The following CNTN5 variants were observed in gnomAD, a reference collection of about 807,000 sequenced individuals.
CNTN5 encodes contactin-5.
Under a neutral mutation model 129.1 loss-of-function variants are expected in CNTN5, and 77 were observed. That is an observed-to-expected ratio of 0.60 (90% CI 0.50 to 0.72). The LOEUF (loss-of-function observed/expected upper bound fraction) is 0.72, where lower values mean the gene tolerates loss of function less well. Among genes scored for constraint, CNTN5 ranks in the 30% least tolerant of loss-of-function variants. CNTN5 has a pLI of 0.00. For synonymous variants in CNTN5, 509 were observed against 465.6 expected (o/e 1.09, Z -1.20); for missense variants, 1,478 against 1,328.8 (o/e 1.11, Z -1.75).
chr11:100,035,562 G>A (rs1425522358), intron 9 of CNTN5, among the ~76,000 whole-genome samples: 1 of 143,572 alleles, frequency 7.0e-6, no homozygotes, highest in Non-Finnish European at 1.5e-5. Flanking sequence ...TTCCACAATG[G>A]TTGAACTAGT....
chr11:99,562,003 T>A lies in CNTN5; in HGVS notation c.55+5734T>A, dbSNP rs1948859608. Among the ~76,000 whole-genome samples the A allele has an allele frequency of 3.9e-5, 6 of 152,176 alleles. 1 individual carries two copies. The South Asian group carries it at 8.3e-4, about 21-fold the overall frequency. The stretch of plus-strand genomic sequence containing the variant: ...ATACTAGTTATTTTGAGTTGGTTAT[T>A]TTGAAAAACTGCAGACACAGGACTG... On this transcript the variant is annotated intron_variant, in intron 3 of 24. Coordinates refer to ENST00000524871, the MANE Select transcript of CNTN5 (RefSeq NM_014361.4).
chr11:100,238,910 A>G (rs558009034), intron 16 of CNTN5, among the ~76,000 whole-genome samples: 1 of 152,314 alleles, frequency 6.6e-6, no homozygotes, highest in East Asian at 1.9e-4. Context: ...TCTAATGGTG[A>G]TAGAGTACAT....
At chr11:100,149,327 G>A (rs1946966394) in intron 13 of CNTN5, among the ~76,000 whole-genome samples, 1 of 152,068 alleles carries the variant, frequency 6.6e-6, no homozygotes, top group South Asian at 2.1e-4. Flanking sequence ...TTAAAACAAT[G>A]CAGTAAAATT....
Position 99,177,524 on chromosome 11 carries a change from G to C in CNTN5, c.-209-147822G>C, listed in dbSNP as rs1857834664. 2.0e-5 allele frequency among the ~76,000 whole-genome samples: 3 copies of C among 152,144 alleles called. No homozygotes were observed. In the South Asian group the frequency reaches 6.2e-4, roughly 32 times the overall value. ...GTTTTCATGAAAATCACTTTTATGT[G>C]TTTCTCTTCAAGTAAGGGTTTTGTT... is the stretch of plus-strand genomic sequence containing the variant. On this transcript the variant is annotated intron_variant, in intron 1 of 24. Transcript: ENST00000524871.
chr11:99,827,086 GT>G (rs1203873069), intron 4 of CNTN5, among the ~76,000 whole-genome samples: 1 of 151,954 alleles, frequency 6.6e-6, no homozygotes, highest in Admixed American at 6.6e-5. Context: ...GTTTTGTTTT[GT>G]TTTTGTTTGT....
intron 3 of CNTN5, among the ~76,000 whole-genome samples, chr11:99,735,071 G>C (rs535266824): frequency 6.6e-6 from 1 of 152,182 alleles, no homozygotes; most frequent in Non-Finnish European, 1.5e-5. Context: ...GAATTAAGAA[G>C]TCAACATCTT....
rs1415469482 is a variant in CNTN5, at chr11:99,411,299, C to T, written c.-71+85815C>T. Among the ~76,000 whole-genome samples, 3 of 152,062 alleles carry T rather than the reference C, an allele frequency of 2.0e-5. No individual in the cohort carries two copies. In the East Asian group the frequency reaches 5.8e-4, roughly 29 times the overall value. On this transcript the variant is annotated intron_variant, in intron 2 of 24. Transcript: ENST00000524871. Reference sequence around the variant, plus strand: ...TCCCAGCACTTTGGGAGGCCACAGACAGATTGCTTGAGCCCAGGAGACCAG... The same window carrying T: ...TCCCAGCACTTTGGGAGGCCACAGATAGATTGCTTGAGCCCAGGAGACCAG...
chr11:99,750,807 G>A (rs1164378109), intron 3 of CNTN5, among the ~76,000 whole-genome samples: 1 of 152,148 alleles, frequency 6.6e-6, no homozygotes, highest in African/African-American at 2.4e-5. Context: ...CAGAGATAAG[G>A]TGCAATTTAT....
chr11:99,917,197 A>G (rs11828149), intron 7 of CNTN5, among the ~76,000 whole-genome samples: 6,111 of 152,126 alleles, frequency 0.04, 258 homozygotes, highest in African/African-American at 0.1. Context: ...AATAATTACA[A>G]TTAGGGTAAT....
intron 1 of CNTN5, among the ~76,000 whole-genome samples, chr11:99,145,246 T>C (rs188751067): frequency 1.3e-5 from 2 of 152,184 alleles, no homozygotes; most frequent in East Asian, 3.9e-4. Context: ...ATTTTTGTAT[T>C]TTTAATAGAG....
chr11:99,996,523 G>T (rs1939454145), intron 8 of CNTN5, among the ~76,000 whole-genome samples: 1 of 151,454 alleles, frequency 6.6e-6, no homozygotes, highest in African/African-American at 2.4e-5. Flanking sequence ...CCTATTTCTG[G>T]TCACTTCCCA....
chr11:100,299,898 A>T (rs1485386277), intron 20 of CNTN5, among the ~76,000 whole-genome samples: 1 of 151,460 alleles, frequency 6.6e-6, no homozygotes, highest in East Asian at 1.9e-4. Flanking sequence ...ATCCTATGGA[A>T]ATCTTATGAA....
In CNTN5 at chr11:99,919,636, T is replaced by G. The variant is rs987657951; in HGVS notation, c.673+3487T>G. On this transcript the variant is annotated intron_variant, in intron 7 of 24. Transcript: ENST00000524871. ...TCCCATAAAATTCACGCATTTTAAG[T>G]GTACAGTTCAATGAGTTTTGGTACA... Among the ~76,000 whole-genome samples, 9 of 152,174 alleles carry G rather than the reference T, an allele frequency of 5.9e-5. 1 individual carries two copies. The highest frequency in any genetic ancestry group is 2.2e-4 in the African/African-American group (9 of 41,452).
intron 3 of CNTN5, among the ~76,000 whole-genome samples, chr11:99,799,324 C>T (rs1403804087): frequency 7.3e-5 from 11 of 151,456 alleles, no homozygotes; most frequent in African/African-American, 2.4e-4. Context: ...CTTATTTTAT[C>T]TCAGTTCTCA....
At chr11:100,184,547 A>G (rs1438623149) in intron 13 of CNTN5, among the ~76,000 whole-genome samples, 1 of 152,130 alleles carries the variant, frequency 6.6e-6, no homozygotes, top group Non-Finnish European at 1.5e-5. Context: ...GGACACATAC[A>G]AGACAAATTC....
At chr11:100,002,455 A>T (rs187771977) in intron 9 of CNTN5, among the ~76,000 whole-genome samples, 1 of 152,176 alleles carries the variant, frequency 6.6e-6, no homozygotes, top group Non-Finnish European at 1.5e-5. Flanking sequence ...TCCTTATGTA[A>T]ATAAAGAAGA....
At chr11:100,308,506 C>T (rs991729845) in intron 21 of CNTN5, 38 bp downstream of exon 21, 2 of 1,574,852 alleles carry the variant, frequency 1.3e-6, no homozygotes, top group African/African-American at 1.4e-5. Flanking sequence ...CTTATTGTTT[C>T]TTCTGACATC....
At chr11:99,791,467 A>C (rs995807157) in intron 3 of CNTN5, among the ~76,000 whole-genome samples, 1 of 151,828 alleles carries the variant, frequency 6.6e-6, no homozygotes, top group African/African-American at 2.4e-5. Flanking sequence ...GCATGGCATT[A>C]TTTTTGGTCT....
chr11:99,359,414 T>A (rs567522068), intron 2 of CNTN5, among the ~76,000 whole-genome samples: 107 of 152,046 alleles, frequency 7.0e-4, no homozygotes, highest in Middle Eastern at 6.8e-3. Context: ...CACCTGAGGG[T>A]TAGGTTTCAA....
Sources: gnomAD v4.1 joint callset for allele counts (sites outside exome capture counted in the v4.1 genomes callset) on GRCh38, gnomAD v4.1.1 for gene constraint, MANE v1.5 for transcripts, NCBI Gene and HGNC (gene_info 2026-07-23, HGNC 2026-07-21) for gene names.